TRIM69: variants seen among roughly 807,000 people sequenced by gnomAD.
TRIM69 encodes the protein E3 ubiquitin-protein ligase TRIM69.
Under a neutral mutation model 37.7 loss-of-function variants are expected in TRIM69, and 29 were observed. The observed-to-expected ratio is 0.77, with a 90% CI of 0.57 to 1.05. The LOEUF (loss-of-function observed/expected upper bound fraction) is 1.05. Ranked by LOEUF, TRIM69 falls within the 50% of genes least tolerant of loss-of-function variation. The probability of loss-of-function intolerance (pLI) is 0.00; values close to 1 mark genes in which losing one functional copy is unlikely to be tolerated. For synonymous variants in TRIM69, 209 were observed against 212.4 expected (o/e 0.98, Z 0.14); for missense variants, 596 against 579.9 (o/e 1.03, Z -0.28).
intron 1 of TRIM69, among the ~76,000 whole-genome samples, chr15:44,750,415 T>C (rs1398751481): frequency 6.6e-6 from 1 of 152,170 alleles, no homozygotes; most frequent in East Asian, 1.9e-4. Context: ...ACTGATCTAC[T>C]CTCTTTACTT....
chr15:44,754,932 A>C lies in TRIM69; in HGVS notation c.39A>C (p.Pro13=). ...VSTNPSSNID[P]GDYVEMNDSI... Reference sequence around the variant, plus strand: ...CCAACCCCTCCTCCAACATCGATCCAGGCGACTATGTTGAAATGAATGATT... The same window carrying C: ...CCAACCCCTCCTCCAACATCGATCCCGGCGACTATGTTGAAATGAATGATT... The change falls in exon 2 of 7, where the codon CCA becomes CCC. Residue 13 remains proline, a synonymous_variant. Transcript: ENST00000329464. 6.2e-7 allele frequency: 1 copy of C among 1,613,656 alleles called. No homozygotes were observed. Among genetic ancestry groups the C allele is most frequent in the Non-Finnish European group, 8.5e-7 (1 of 1,179,702 alleles).
intron 6 of TRIM69, among the ~76,000 whole-genome samples, chr15:44,760,844 CTT>C (rs2087758960): frequency 1.3e-5 from 2 of 151,842 alleles, no homozygotes; most frequent in African/African-American, 4.8e-5. Context: ...TTAAATGTGT[CTT>C]TTCTAAATTT....
intron 1 of TRIM69, among the ~76,000 whole-genome samples, chr15:44,747,987 C>A (rs1054110097): frequency 6.6e-6 from 1 of 152,132 alleles, no homozygotes; most frequent in Non-Finnish European, 1.5e-5. Context: ...TCTGGATACT[C>A]CAATTCTCAA....
intron 4 of TRIM69, among the ~76,000 whole-genome samples, 200 bp downstream of exon 4, chr15:44,759,054 C>T (rs539537947): frequency 6.6e-6 from 1 of 152,350 alleles, no homozygotes; most frequent in South Asian, 2.1e-4. Flanking sequence ...GCTTTACTTT[C>T]ATCCTCTTAG....
At chr15:44,761,757 G>A (rs1308562959) in intron 6 of TRIM69, among the ~76,000 whole-genome samples, 1 of 152,180 alleles carries the variant, frequency 6.6e-6, no homozygotes, top group Non-Finnish European at 1.5e-5. Flanking sequence ...GAGCCGTGGT[G>A]CCCGGCTGCA....
intron 1 of TRIM69, among the ~76,000 whole-genome samples, chr15:44,738,812 T>C (rs1249973403): frequency 6.6e-6 from 1 of 152,190 alleles, no homozygotes; most frequent in African/African-American, 2.4e-5. Flanking sequence ...ACGTATTTCA[T>C]AGGGTTGTTC....
At chr15:44,757,187 T>C (rs938061611) in intron 3 of TRIM69, 1 of 152,190 alleles carries the variant, frequency 6.6e-6, no homozygotes, top group Non-Finnish European at 1.5e-5. Context: ...AAAGTTCCTA[T>C]TAGTGTGAGC....
intron 4 of TRIM69, 78 bp from the exon 5 acceptor site, chr15:44,759,562 G>T: frequency 1.4e-6 from 2 of 1,474,734 alleles, no homozygotes; most frequent in Admixed American, 1.8e-5. Context: ...ACAAATTCTG[G>T]TGGTGGCTGG....
In TRIM69 at chr15:44,767,053, C is replaced by CAAAAAAAAAAAAAAAAAAAAA. The variant is rs55736812; in HGVS notation, c.962-167_962-147dup. Among the ~76,000 whole-genome samples, 15 of 24,316 alleles carry CAAAAAAAAAAAAAAAAAAAAA rather than the reference C, an allele frequency of 6.2e-4. 5 individuals are homozygous for CAAAAAAAAAAAAAAAAAAAAA. Among genetic ancestry groups the CAAAAAAAAAAAAAAAAAAAAA allele is most frequent in the Non-Finnish European group, 6.9e-4 (10 of 14,436 alleles). 16.0% of individuals were successfully genotyped at this position (24,316 alleles called of 152,430 possible). On this transcript the variant is annotated intron_variant, in intron 6 of 6. Coordinates refer to ENST00000329464, the MANE Select transcript of TRIM69 (RefSeq NM_182985.5). ...CAGCCCTGGGCAACCTTGTCTGCCTCAAAAAAAAAAAAAAAAAAAAAAAAA... is the reference window on the plus strand; with the variant it reads ...CAGCCCTGGGCAACCTTGTCTGCCTCAAAAAAAAAAAAAAAAAAAAAAAAAAAAAAAAAAAAAAAAAAAAAA...
intron 1 of TRIM69, among the ~76,000 whole-genome samples, chr15:44,737,421 C>A (rs1439136967): frequency 6.6e-6 from 1 of 152,164 alleles, no homozygotes; most frequent in Non-Finnish European, 1.5e-5. Context: ...GGGCTATAAG[C>A]ATTTTGTTTA....
At chr15:44,745,327 A>G (rs2087382788) in intron 1 of TRIM69, among the ~76,000 whole-genome samples, 1 of 152,204 alleles carries the variant, frequency 6.6e-6, no homozygotes, top group African/African-American at 2.4e-5. Context: ...AGAATTCAGT[A>G]GCTACATGTG....
intron 1 of TRIM69, among the ~76,000 whole-genome samples, chr15:44,751,167 G>C (rs566552218): frequency 7.8e-4 from 117 of 150,688 alleles, no homozygotes; most frequent in Non-Finnish European, 1.4e-3. Flanking sequence ...CCAGGCTGGA[G>C]TACAATGGCA....
intron 1 of TRIM69, among the ~76,000 whole-genome samples, chr15:44,744,587 TTAA>T (rs1156792288): frequency 6.6e-6 from 1 of 152,096 alleles, no homozygotes; most frequent in African/African-American, 2.4e-5. Flanking sequence ...AGGGAAATAT[TTAA>T]TAATAATTAA....
At chr15:44,757,510 GAA>G (rs1409212995) in intron 3 of TRIM69, 3 of 152,256 alleles carry the variant, frequency 2.0e-5, no homozygotes, top group Non-Finnish European at 2.9e-5. Flanking sequence ...TCTAGGAATA[GAA>G]AAGAGTATCT....
intron 6 of TRIM69, among the ~76,000 whole-genome samples, chr15:44,761,589 C>T (rs2087776408): frequency 6.6e-6 from 1 of 152,164 alleles, no homozygotes; most frequent in African/African-American, 2.4e-5. Flanking sequence ...CTCAGACTCC[C>T]CAGTAGCTGG....
At chr15:44,761,692 T>C (rs1200586232) in intron 6 of TRIM69, among the ~76,000 whole-genome samples, 1 of 152,218 alleles carries the variant, frequency 6.6e-6, no homozygotes, top group Non-Finnish European at 1.5e-5. Flanking sequence ...CTTGAACTCC[T>C]GGCCTTAAGT....
Position 44,767,278 on chromosome 15 carries a change from G to A in TRIM69, c.1009G>A (p.Val337Met), listed in dbSNP as rs749078482. 3.7e-6 allele frequency: 6 copies of A among 1,613,762 alleles called. No individual in the cohort carries two copies. Among genetic ancestry groups the A allele is most frequent in the Non-Finnish European group, 5.1e-6 (6 of 1,179,978 alleles). The change falls in exon 7 of 7, where the codon GTG (valine) becomes ATG (methionine). Residue 337 changes from valine to methionine, a missense_variant. Physicochemically the swap from Val to Met is conservative, Grantham distance 21. Transcript: ENST00000329464. ...CCCTAAAACAGCTCACCCAAATCTG[G>A]TGCTCTCCAAAAGCCAAACCAGCGT... is the stretch of plus-strand genomic sequence containing the variant. ...LDPKTAHPNL[V>M]LSKSQTSVWH...
intron 1 of TRIM69, among the ~76,000 whole-genome samples, chr15:44,737,209 A>G (rs1566885484): frequency 6.6e-6 from 1 of 152,206 alleles, no homozygotes; most frequent in African/African-American, 2.4e-5. Context: ...ATGGTTATTT[A>G]CTACATGAAA....
rs1596027797 is a variant in TRIM69, at chr15:44,754,709, A to C, written c.7-191A>C. On this transcript the variant is annotated intron_variant, in intron 1 of 6. Coordinates refer to ENST00000329464, the MANE Select transcript of TRIM69 (RefSeq NM_182985.5). ...CTTCCTCTGCCTTGATTCTTTATTAAAGTTTAAATAGCATCATACGCTATA... is the reference window on the plus strand; with the variant it reads ...CTTCCTCTGCCTTGATTCTTTATTACAGTTTAAATAGCATCATACGCTATA... 26 of 573,010 alleles carry C rather than the reference A, an allele frequency of 4.5e-5. No homozygotes were observed. The East Asian group carries it at 7.3e-4, about 16-fold the overall frequency. The allele number at this position is 573,010 out of a possible 1,614,324, so 35.5% of individuals were successfully genotyped here.
Sources: gnomAD v4.1 joint callset for allele counts (sites outside exome capture counted in the v4.1 genomes callset) on GRCh38, gnomAD v4.1.1 for gene constraint, MANE v1.5 for transcripts, NCBI Gene and HGNC (gene_info 2026-07-23, HGNC 2026-07-21) for gene names.